The following CDH13 variants were observed in gnomAD, a reference collection of about 807,000 sequenced individuals.
CDH13 encodes the protein cadherin 13.
A neutral mutation model predicts 63.8 loss-of-function variants in CDH13; 24 were observed. The ratio of observed to expected loss-of-function variants is 0.38; its 90% CI spans 0.27 to 0.53. The LOEUF is 0.53. CDH13 is among the 20% of genes least tolerant of loss of function. The probability of loss-of-function intolerance (pLI) is 0.85; values close to 1 mark genes in which losing one functional copy is unlikely to be tolerated. For missense variants in CDH13, 1,049 were observed against 903.1 expected, an observed-to-expected ratio of 1.16 and a Z score of -2.07; for synonymous variants, 503 against 355.3, an observed-to-expected ratio of 1.42 and a Z score of -4.67.
Position 82,643,209 on chromosome 16 carries a change from G to GT in CDH13, c.45+16074dup, listed in dbSNP as rs565364980. Among the ~76,000 whole-genome samples the GT allele has an allele frequency of 5.9e-4, 90 of 152,290 alleles. 1 individual carries two copies. The highest frequency in any genetic ancestry group is 1.4e-3 in the African/African-American group (58 of 41,554). On this transcript the variant is annotated intron_variant, in intron 1 of 13. Coordinates refer to ENST00000567109, the MANE Select transcript of CDH13 (RefSeq NM_001257.5). ...CTTAACCGGCTAAGCTTTATAGTAT[G>GT]TTACACATGTCTAAATAAAACTGGT... is the stretch of plus-strand genomic sequence containing the variant.
chr16:83,075,650 A>C (rs1377384971), intron 3 of CDH13, among the ~76,000 whole-genome samples: 2 of 152,198 alleles, frequency 1.3e-5, no homozygotes, highest in African/African-American at 4.8e-5. Context: ...GTACTGAGTT[A>C]GGCGAGGCGG....
At chr16:83,270,925 T>C (rs1181529709) in intron 5 of CDH13, among the ~76,000 whole-genome samples, 1 of 139,412 alleles carries the variant, frequency 7.2e-6, no homozygotes. Context: ...CCTCACTCCT[T>C]TCCTTTCTCT....
intron 1 of CDH13, among the ~76,000 whole-genome samples, chr16:82,692,814 A>G (rs897283743): frequency 1.2e-4 from 18 of 152,068 alleles, no homozygotes; most frequent in Non-Finnish European, 2.4e-4. Context: ...CTGCACAGGC[A>G]TTTTTAGTAT....
intron 6 of CDH13, among the ~76,000 whole-genome samples, chr16:83,463,698 G>A (rs1160619884): frequency 6.6e-6 from 1 of 152,180 alleles, no homozygotes; most frequent in African/African-American, 2.4e-5. Context: ...AGAAACTTGG[G>A]AGGGGCTGAG....
At chr16:82,872,121 G>T (rs753803611) in intron 2 of CDH13, among the ~76,000 whole-genome samples, 36 of 152,182 alleles carry the variant, frequency 2.4e-4, no homozygotes, top group Non-Finnish European at 5.3e-4. Context: ...GTGCTCTGTT[G>T]CTAAGGTCCC....
At chr16:83,152,384 T>A (rs868434513) in intron 4 of CDH13, among the ~76,000 whole-genome samples, 1 of 152,216 alleles carries the variant, frequency 6.6e-6, no homozygotes, top group East Asian at 1.9e-4. Context: ...AAAATACTAT[T>A]AAGGGAAAAT....
At chr16:82,707,657 C>A (rs1319428564) in intron 1 of CDH13, among the ~76,000 whole-genome samples, 1 of 152,146 alleles carries the variant, frequency 6.6e-6, no homozygotes, top group Non-Finnish European at 1.5e-5. Flanking sequence ...AGAATTAGCT[C>A]CAACATGGTT....
chr16:83,235,632 C>T (rs1481029507), intron 5 of CDH13, among the ~76,000 whole-genome samples: 4 of 147,030 alleles, frequency 2.7e-5, no homozygotes, highest in Non-Finnish European at 4.5e-5. Context: ...TTCCTTACTC[C>T]TGAGGGAAAA....
At chr16:83,240,687 AAAAC>A (rs1284054996) in intron 5 of CDH13, among the ~76,000 whole-genome samples, 35 of 150,774 alleles carry the variant, frequency 2.3e-4, no homozygotes, top group African/African-American at 7.3e-4. Flanking sequence ...AAAAAAAAAA[AAAAC>A]ATGACTTTAA....
intron 5 of CDH13, among the ~76,000 whole-genome samples, chr16:83,307,099 A>T (rs2089898957): frequency 6.6e-6 from 1 of 152,274 alleles, no homozygotes; most frequent in East Asian, 1.9e-4. Flanking sequence ...TTTCAGGAAA[A>T]ACTTGTGGTA....
At chr16:83,114,514 C>A (rs60861369) in intron 3 of CDH13, among the ~76,000 whole-genome samples, 7,629 of 152,256 alleles carry the variant, frequency 0.05, 277 homozygotes, top group African/African-American at 0.099. Context: ...TTCCCTCACA[C>A]CCCCTGCCAT....
chr16:83,145,884 C>T (rs773669933), intron 4 of CDH13, among the ~76,000 whole-genome samples: 1 of 152,102 alleles, frequency 6.6e-6, no homozygotes, highest in Non-Finnish European at 1.5e-5. Context: ...TAAACTGTGA[C>T]TCTAAGGATG....
intron 6 of CDH13, among the ~76,000 whole-genome samples, chr16:83,457,368 A>C (rs945483363): frequency 2.6e-5 from 4 of 152,154 alleles, no homozygotes; most frequent in Admixed American, 1.3e-4. Context: ...CAGGGTGGGC[A>C]CTGAAGGGCT....
intron 1 of CDH13, among the ~76,000 whole-genome samples, chr16:82,717,582 C>T (rs562100527): frequency 3.3e-5 from 5 of 152,202 alleles, no homozygotes; most frequent in South Asian, 4.2e-4. Flanking sequence ...TGGTGGTTCC[C>T]GACATTCCTT....
intron 4 of CDH13, among the ~76,000 whole-genome samples, chr16:83,185,827 T>C (rs1450864237): frequency 1.3e-5 from 2 of 152,194 alleles, no homozygotes; most frequent in Non-Finnish European, 2.9e-5. Context: ...CTGCCACTGA[T>C]GGATAGATTT....
intron 5 of CDH13, among the ~76,000 whole-genome samples, chr16:83,341,100 A>G (rs552280500): frequency 1.4e-4 from 21 of 152,316 alleles, no homozygotes; most frequent in African/African-American, 4.6e-4. Flanking sequence ...AACATAAAGA[A>G]CAAGCATCAG....
intron 1 of CDH13, among the ~76,000 whole-genome samples, chr16:82,679,021 G>C (rs1567618927): frequency 6.6e-6 from 1 of 152,126 alleles, no homozygotes; most frequent in Admixed American, 6.5e-5. Context: ...GCTGTGGGCA[G>C]CTGAGGCACA....
chr16:83,219,062 T>G (rs2039620597), intron 5 of CDH13, among the ~76,000 whole-genome samples: 1 of 152,128 alleles, frequency 6.6e-6, no homozygotes, highest in Non-Finnish European at 1.5e-5. Flanking sequence ...ATGTCTTCAT[T>G]AGCAGCATGA....
chr16:82,863,381 C>T (rs573279892), intron 2 of CDH13, among the ~76,000 whole-genome samples: 2 of 152,212 alleles, frequency 1.3e-5, no homozygotes, highest in Non-Finnish European at 2.9e-5. Context: ...GGAGGGACAG[C>T]ACCTACTCAT....
Sources: gnomAD v4.1 joint callset for allele counts (sites outside exome capture counted in the v4.1 genomes callset) on GRCh38, gnomAD v4.1.1 for gene constraint, MANE v1.5 for transcripts, NCBI Gene and HGNC (gene_info 2026-07-23, HGNC 2026-07-21) for gene names.